The following IKZF1 variants were observed in gnomAD, a reference collection of about 807,000 sequenced individuals.
IKZF1 encodes the protein IKAROS family zinc finger 1, also known as DNA-binding protein Ikaros.
Under a neutral mutation model 51.7 loss-of-function variants are expected in IKZF1, and 10 were observed. The observed-to-expected ratio is 0.19, with a 90% CI of 0.12 to 0.33. The LOEUF is 0.33. Ranked by LOEUF, IKZF1 falls within the 10% of genes least tolerant of loss-of-function variation. The pLI is 1.00. For missense variants in IKZF1, 484 were observed against 707.5 expected (o/e 0.68, Z 3.58); for synonymous variants, 280 against 282.3 (o/e 0.99, Z 0.08).
chr7:50,307,015 C>A (rs1165804749), intron 1 of IKZF1, among the ~76,000 whole-genome samples: 1 of 152,224 alleles, frequency 6.6e-6, no homozygotes. Context: ...ACACAGCATG[C>A]ACACAGCGTG....
intron 3 of IKZF1, among the ~76,000 whole-genome samples, chr7:50,358,093 C>T (rs145048215): frequency 1.8e-4 from 27 of 152,288 alleles, no homozygotes; most frequent in East Asian, 1.5e-3. Flanking sequence ...ACATGTTACA[C>T]GCTCTTAGTT....
chr7:50,315,345 T>C (rs1305963402), intron 1 of IKZF1, among the ~76,000 whole-genome samples: 3 of 151,916 alleles, frequency 2.0e-5, no homozygotes, highest in East Asian at 1.9e-4. Context: ...GATTTAGACC[T>C]CCCAAGTCAG....
chr7:50,320,033 A>G (rs776248366), intron 2 of IKZF1, among the ~76,000 whole-genome samples: 2 of 152,154 alleles, frequency 1.3e-5, no homozygotes, highest in Non-Finnish European at 2.9e-5. Context: ...AGATCTGCCA[A>G]TCACAGGCTT....
intron 3 of IKZF1, among the ~76,000 whole-genome samples, chr7:50,339,848 C>T (rs1798665080): frequency 1.3e-5 from 2 of 152,076 alleles, no homozygotes; most frequent in African/African-American, 2.4e-5. Flanking sequence ...TTATTTGGGG[C>T]TGAATTATTT....
At chr7:50,332,469 C>T (rs1390246051) in intron 3 of IKZF1, among the ~76,000 whole-genome samples, 3 of 152,004 alleles carry the variant, frequency 2.0e-5, no homozygotes, top group Non-Finnish European at 2.9e-5. Context: ...GCAGGGGAGG[C>T]GTTTGGGTGG....
Position 50,403,841 on chromosome 7 carries a change from T to C in IKZF1, c.*3214T>C. The C allele has an allele frequency of 4.5e-6, 1 of 222,646 alleles. No homozygotes were observed. The highest frequency in any genetic ancestry group is 9.0e-6 in the Non-Finnish European group (1 of 111,014). 13.8% of individuals were successfully genotyped at this position (222,646 alleles called of 1,614,324 possible). ...TTTTCTTGTTTTGTTTTGTTTTGAC[T>C]GCACTGTGAGTTTTGTAGTGTCCTC... On this transcript the variant is annotated 3_prime_UTR_variant, in exon 8 of 8. Coordinates refer to ENST00000331340, the MANE Select transcript of IKZF1 (RefSeq NM_006060.6).
intron 3 of IKZF1, among the ~76,000 whole-genome samples, chr7:50,330,607 A>G (rs1363426960): frequency 3.9e-5 from 6 of 152,226 alleles, no homozygotes; most frequent in African/African-American, 1.2e-4. Context: ...CTGGAAGGAA[A>G]CCAGCCAGCT....
intron 5 of IKZF1, among the ~76,000 whole-genome samples, chr7:50,383,468 C>T (rs1321356668): frequency 6.6e-6 from 1 of 152,186 alleles, no homozygotes; most frequent in Admixed American, 6.5e-5. Flanking sequence ...ATCCAGCAGT[C>T]CCATAATTCT....
intron 4 of IKZF1, among the ~76,000 whole-genome samples, chr7:50,378,727 C>T (rs537830554): frequency 1.3e-5 from 2 of 152,338 alleles, no homozygotes; most frequent in Admixed American, 6.5e-5. Context: ...CTAGGTGCCA[C>T]CTGCACACCA....
chr7:50,401,199 C>T lies in IKZF1; in HGVS notation c.*572C>T, dbSNP rs1479456843. ...ACATGCATCTAGGGCGGAGAGGCTG[C>T]ACTTGTGAGAGAAAATACTATTTCA... On this transcript the variant is annotated 3_prime_UTR_variant, in exon 8 of 8. Transcript: ENST00000331340. The T allele has an allele frequency of 1.7e-5, 4 of 234,904 alleles. No homozygotes were observed. The highest frequency in any genetic ancestry group is 6.6e-5 in the African/African-American group (3 of 45,226). The allele number at this position is 234,904 out of a possible 1,614,324, so 14.6% of individuals were successfully genotyped here. A position where few individuals can be genotyped will look rare whatever the true frequency, so the allele number is the denominator to read the frequency against.
Position 50,381,718 on chromosome 7 carries a change from G to C in IKZF1, c.422-822G>C, listed in dbSNP as rs1006832197. Among the ~76,000 whole-genome samples, 4 of 152,288 alleles carry C rather than the reference G, an allele frequency of 2.6e-5. 1 individual carries two copies. The highest frequency in any genetic ancestry group is 4.1e-4 in the South Asian group (2 of 4,824). ...CTTAAAATATAATTTGTCTTCTATGGATATAGACAAATAATAGCTTAAATG... is the reference window on the plus strand; with the variant it reads ...CTTAAAATATAATTTGTCTTCTATGCATATAGACAAATAATAGCTTAAATG... On this transcript the variant is annotated intron_variant, in intron 4 of 7. Coordinates refer to ENST00000331340, the MANE Select transcript of IKZF1 (RefSeq NM_006060.6).
chr7:50,373,147 C>T (rs1271435258), intron 3 of IKZF1, among the ~76,000 whole-genome samples: 1 of 152,228 alleles, frequency 6.6e-6, no homozygotes, highest in Non-Finnish European at 1.5e-5. Context: ...CCCCATGCTT[C>T]TGTTTCCTTC....
At chr7:50,383,273 G>A (rs1351575576) in intron 5 of IKZF1, among the ~76,000 whole-genome samples, 1 of 152,142 alleles carries the variant, frequency 6.6e-6, no homozygotes, top group Non-Finnish European at 1.5e-5. Context: ...CCAGATTTTA[G>A]ACAGCAGCCT....
At chr7:50,358,020 C>T (rs1269203596) in intron 3 of IKZF1, among the ~76,000 whole-genome samples, 3 of 152,166 alleles carry the variant, frequency 2.0e-5, no homozygotes. Context: ...AGCACCTTCA[C>T]CTGGTTGCAA....
chr7:50,380,480 C>T (rs763477412), intron 4 of IKZF1, among the ~76,000 whole-genome samples: 6 of 152,226 alleles, frequency 3.9e-5, no homozygotes, highest in Non-Finnish European at 8.8e-5. Context: ...ACATGGGACT[C>T]CAGCACCTGC....
At chr7:50,370,386 C>A (rs1331759493) in intron 3 of IKZF1, among the ~76,000 whole-genome samples, 1 of 152,222 alleles carries the variant, frequency 6.6e-6, no homozygotes, top group Non-Finnish European at 1.5e-5. Context: ...TGAGCACATA[C>A]AGTGCCTGGC....
intron 3 of IKZF1, among the ~76,000 whole-genome samples, chr7:50,360,366 A>T (rs1562824438): frequency 1.3e-5 from 2 of 152,124 alleles, no homozygotes; most frequent in Non-Finnish European, 2.9e-5. Flanking sequence ...GCTTAGGTGG[A>T]CAAAGGCCAC....
At position 50,400,264 on chromosome 7, in the gene IKZF1, C is replaced by T. The variant is rs1451934390; in HGVS notation, c.1197C>T (p.Asp399=). The T allele has an allele frequency of 6.2e-7, 1 of 1,612,106 alleles. No homozygotes were observed. The highest frequency in any genetic ancestry group is 1.1e-5 in the South Asian group (1 of 90,768). Residue 399 remains aspartate (D), a synonymous_variant, in exon 8 of 8, where the codon GAC becomes GAT. Coordinates refer to ENST00000331340, the MANE Select transcript of IKZF1 (RefSeq NM_006060.6). This position sits in a 1 kb window ranked among gnomAD's most constrained non-coding sequence, Gnocchi z 5.4. ...SPSNSCQDST[D]TESNNEEQRS... is the part of the protein sequence containing the mutation. The stretch of plus-strand genomic sequence containing the variant: ...GCAACAGCTGCCAAGACTCCACGGA[C>T]ACCGAGAGCAACAACGAGGAGCAGC...
intron 5 of IKZF1, among the ~76,000 whole-genome samples, chr7:50,384,382 G>A (rs1405060698): frequency 6.6e-6 from 1 of 152,202 alleles, no homozygotes; most frequent in Non-Finnish European, 1.5e-5. Flanking sequence ...CCACATGCTC[G>A]CCATCAGAAA....
Sources: allele counts gnomAD v4.1 joint callset (sites outside exome capture counted in the v4.1 genomes callset), GRCh38; gene constraint gnomAD v4.1.1; non-coding constraint Gnocchi (gnomAD v3.1); transcripts MANE v1.5; gene names NCBI Gene and HGNC (gene_info 2026-07-23, HGNC 2026-07-21).